ZNF385D: variants seen among roughly 807,000 people sequenced by gnomAD.
The protein encoded by ZNF385D is zinc finger protein 659.
ZNF385D carries 15 observed loss-of-function variants against 35.8 expected under a neutral mutation model. The observed-to-expected ratio is 0.42, with a 90% confidence interval of 0.28 to 0.64. ZNF385D has a LOEUF of 0.64. ZNF385D is among the 30% of genes least tolerant of loss of function. The pLI, the probability that ZNF385D is intolerant of heterozygous loss-of-function variation, is 0.23. For synonymous variants in ZNF385D, 212 were observed against 186.8 expected (o/e 1.13, Z -1.10); for missense variants, 474 against 494.6 (o/e 0.96, Z 0.39).
At chr3:22,083,700 G>A (rs1259548075) in intron 3 of ZNF385D, among the ~76,000 whole-genome samples, 4 of 152,110 alleles carry the variant, frequency 2.6e-5, no homozygotes, top group Non-Finnish European at 5.9e-5. Context: ...TAGCAAGGCA[G>A]GCCAACATTC....
chr3:22,029,350 T>A (rs377174471), intron 3 of ZNF385D, among the ~76,000 whole-genome samples: 1 of 152,148 alleles, frequency 6.6e-6, no homozygotes, highest in Non-Finnish European at 1.5e-5. Flanking sequence ...GCCCTGTGAT[T>A]AAGGTCAATG....
intron 3 of ZNF385D, among the ~76,000 whole-genome samples, chr3:21,934,954 G>A (rs1486295495): frequency 6.6e-6 from 1 of 152,168 alleles, no homozygotes; most frequent in Non-Finnish European, 1.5e-5. Context: ...CTTAGTTGAT[G>A]TGAGTAAGAA....
At chr3:21,700,891 T>A (rs2067657512) in intron 1 of ZNF385D, among the ~76,000 whole-genome samples, 1 of 152,210 alleles carries the variant, frequency 6.6e-6, no homozygotes, top group Non-Finnish European at 1.5e-5. Context: ...ATGATTTCAT[T>A]CAGATAAAAA....
intron 3 of ZNF385D, among the ~76,000 whole-genome samples, chr3:21,814,500 A>C (rs984811760): frequency 6.6e-6 from 1 of 152,202 alleles, no homozygotes; most frequent in Non-Finnish European, 1.5e-5. Context: ...TCTACCAAGC[A>C]AATGGAAAAC....
intron 3 of ZNF385D, among the ~76,000 whole-genome samples, chr3:21,952,333 C>T (rs472117): frequency 0.26 from 39,321 of 151,590 alleles, 5,799 homozygotes; most frequent in Admixed American, 0.41. Flanking sequence ...TTTCTTGATC[C>T]TAAGACACCA....
At chr3:22,086,377 G>A (rs1371516594) in intron 3 of ZNF385D, among the ~76,000 whole-genome samples, 1 of 150,634 alleles carries the variant, frequency 6.6e-6, no homozygotes, top group Non-Finnish European at 1.5e-5. Flanking sequence ...AAATCAATGT[G>A]CAAAAATCAC....
At chr3:22,279,477 A>G (rs1701604903) in intron 2 of ZNF385D, among the ~76,000 whole-genome samples, 2 of 137,198 alleles carry the variant, frequency 1.5e-5, no homozygotes, top group East Asian at 2.1e-4. Context: ...CACAGTATAT[A>G]TATATATATG....
At chr3:21,912,944 T>A (rs1249667014) in intron 3 of ZNF385D, among the ~76,000 whole-genome samples, 1 of 152,058 alleles carries the variant, frequency 6.6e-6, no homozygotes, top group African/African-American at 2.4e-5. Flanking sequence ...ACTGACAATC[T>A]TACTGTGGTT....
At chr3:21,827,777 C>T (rs994134731) in intron 3 of ZNF385D, among the ~76,000 whole-genome samples, 2 of 152,128 alleles carry the variant, frequency 1.3e-5, no homozygotes, top group East Asian at 1.9e-4. Flanking sequence ...GCAAAATGTG[C>T]GTGACATTTG....
intron 2 of ZNF385D, among the ~76,000 whole-genome samples, chr3:21,566,977 A>G (rs1023168233): frequency 1.3e-5 from 2 of 152,274 alleles, no homozygotes; most frequent in Admixed American, 6.5e-5. Context: ...GGAATCTTTC[A>G]TTCAATACAA....
intron 2 of ZNF385D, among the ~76,000 whole-genome samples, chr3:22,253,504 T>C (rs1025220822): frequency 2.0e-5 from 3 of 151,972 alleles, no homozygotes; most frequent in Non-Finnish European, 4.4e-5. Flanking sequence ...ACACTTTTAA[T>C]AGTTCGGTTT....
intron 3 of ZNF385D, among the ~76,000 whole-genome samples, chr3:22,126,602 A>T (rs1703445274): frequency 6.6e-6 from 1 of 151,946 alleles, no homozygotes; most frequent in Admixed American, 6.6e-5. Flanking sequence ...GACCTAATGT[A>T]TGCTCCATCC....
intron 3 of ZNF385D, among the ~76,000 whole-genome samples, chr3:21,858,859 A>G (rs1215965623): frequency 1.3e-5 from 2 of 152,094 alleles, no homozygotes; most frequent in African/African-American, 4.8e-5. Flanking sequence ...GCCATGGTGC[A>G]GTTCTATGCT....
At chr3:21,754,613 CTT>C (rs559621553), upstream of ZNF385D, among the ~76,000 whole-genome samples, 2 of 149,748 alleles carry the variant, frequency 1.3e-5, no homozygotes, top group Non-Finnish European at 3.0e-5. Flanking sequence ...AATTCACTGT[CTT>C]TTTTTTTTCC....
intron 1 of ZNF385D, among the ~76,000 whole-genome samples, chr3:21,740,931 G>C (rs2069483506): frequency 6.6e-6 from 1 of 152,296 alleles, no homozygotes; most frequent in African/African-American, 2.4e-5. Flanking sequence ...ATAGCGCTTT[G>C]ACATTAGTAT....
At chr3:22,032,754 C>G (rs13322249) in intron 3 of ZNF385D, among the ~76,000 whole-genome samples, 1 of 152,010 alleles carries the variant, frequency 6.6e-6, no homozygotes, top group Non-Finnish European at 1.5e-5. Flanking sequence ...AAAACAATCA[C>G]GATTAATAAT....
At chr3:22,074,914 T>A (rs1700392820) in intron 3 of ZNF385D, among the ~76,000 whole-genome samples, 1 of 151,882 alleles carries the variant, frequency 6.6e-6, no homozygotes, top group Admixed American at 6.6e-5. Flanking sequence ...ATGAGCAACG[T>A]CACCATCACC....
chr3:22,216,547 G>T (rs115254899), intron 2 of ZNF385D, among the ~76,000 whole-genome samples: 3 of 152,106 alleles, frequency 2.0e-5, no homozygotes, highest in Non-Finnish European at 2.9e-5. Context: ...TGACCCAGAT[G>T]TGAAAATACA....
At chr3:21,512,159 A>AT (rs1707264745) in intron 3 of ZNF385D, among the ~76,000 whole-genome samples, 1 of 151,582 alleles carries the variant, frequency 6.6e-6, no homozygotes, top group African/African-American at 2.4e-5. Context: ...AAAAAAAAAA[A>AT]AAAAAGAAGT....
Sources: allele counts gnomAD v4.1 joint callset (sites outside exome capture counted in the v4.1 genomes callset), GRCh38; gene constraint gnomAD v4.1.1; transcripts MANE v1.5; gene names NCBI Gene and HGNC (gene_info 2026-07-23, HGNC 2026-07-21).